KIRREL3: variants seen among roughly 807,000 people sequenced by gnomAD.
KIRREL3 encodes the protein kirre like nephrin family adhesion molecule 3.
In KIRREL3, 36 loss-of-function variants were observed where a neutral mutation model predicts 89.7. The observed-to-expected ratio is 0.40, with a 90% CI of 0.31 to 0.53. The LOEUF (loss-of-function observed/expected upper bound fraction) is 0.53, where lower values mean the gene tolerates loss of function less well. Among genes scored for constraint, KIRREL3 ranks in the 20% least tolerant of loss-of-function variants. KIRREL3 has a pLI of 0.49. For synonymous variants in KIRREL3, 445 were observed against 441.4 expected (o/e 1.01, Z -0.10); for missense variants, 864 against 1,056.6 (o/e 0.82, Z 2.53).
At position 126,513,846 on chromosome 11, in the gene KIRREL3, C is replaced by T. The variant is rs761142492; in HGVS notation, c.433+7469G>A. The stretch of plus-strand genomic sequence containing the variant: ...CTGGCCCCCAACAGCAACTACTCAG[C>T]GTGGCATTATGGCATTGAACCCACA... On this transcript the variant is annotated intron_variant, in intron 4 of 16. Coordinates refer to ENST00000525144, the MANE Select transcript of KIRREL3 (RefSeq NM_032531.4). This position sits in a 1 kb window ranked among gnomAD's most constrained non-coding sequence, Gnocchi z 5.9. 1.3e-5 allele frequency among the ~76,000 whole-genome samples: 2 copies of T among 152,144 alleles called. No homozygotes were observed. The highest frequency in any genetic ancestry group is 2.9e-5 in the Non-Finnish European group (2 of 68,014).
Position 126,744,318 on chromosome 11 carries a change from C to T in KIRREL3, c.56-181406G>A, listed in dbSNP as rs920270788. On this transcript the variant is annotated intron_variant, in intron 1 of 16. Coordinates refer to ENST00000525144, the MANE Select transcript of KIRREL3 (RefSeq NM_032531.4). This position sits in a 1 kb window ranked among gnomAD's most constrained non-coding sequence, Gnocchi z 4.7. ...ACTGAGATGTTGAGCAGGGGAGCAG[C>T]CTTTTCTGGGAGGTTCACCCGCAGG... 3.3e-5 allele frequency among the ~76,000 whole-genome samples: 5 copies of T among 151,874 alleles called. No individual in the cohort carries two copies. The highest frequency in any genetic ancestry group is 5.9e-5 in the Non-Finnish European group (4 of 68,000).
chr11:126,787,213 C>G (rs577337544), intron 1 of KIRREL3, among the ~76,000 whole-genome samples: 1 of 152,316 alleles, frequency 6.6e-6, no homozygotes, highest in African/African-American at 2.4e-5. Flanking sequence ...AACCCCCACA[C>G]AGATGTATTT....
At position 126,948,861 on chromosome 11, in the gene KIRREL3, T is replaced by C. The variant is rs1041201153; in HGVS notation, c.55+51594A>G. 2.0e-5 allele frequency among the ~76,000 whole-genome samples: 3 copies of C among 152,136 alleles called. No homozygotes were observed. Among genetic ancestry groups the C allele is most frequent in the African/African-American group, 7.2e-5 (3 of 41,418 alleles). On this transcript the variant is annotated intron_variant, in intron 1 of 16. Coordinates refer to ENST00000525144, the MANE Select transcript of KIRREL3 (RefSeq NM_032531.4). The surrounding 1 kb of genome is among the most constrained non-coding windows in gnomAD (Gnocchi z 4.5). ...CCTCAAAGCTTCTGAAGTGTCCACA[T>C]AATCCCCAACCCTACAGCCTCCAAA...
Position 126,904,336 on chromosome 11 carries a change from T to C in KIRREL3, c.55+96119A>G, listed in dbSNP as rs1014903563. 6.6e-6 allele frequency among the ~76,000 whole-genome samples: 1 copy of C among 152,234 alleles called. No individual in the cohort carries two copies. The highest frequency in any genetic ancestry group is 1.5e-5 in the Non-Finnish European group (1 of 68,042). Reference sequence around the variant, plus strand: ...TGGCCCGAAGCCCCCAAACTCATGATTATTTGCTATTTTGCCATTGCTAGT... The same window carrying C: ...TGGCCCGAAGCCCCCAAACTCATGACTATTTGCTATTTTGCCATTGCTAGT... On this transcript the variant is annotated intron_variant, in intron 1 of 16. Transcript: ENST00000525144. This position sits in a 1 kb window ranked among gnomAD's most constrained non-coding sequence, Gnocchi z 4.4.
chr11:126,726,469 G>A (rs775527365), intron 1 of KIRREL3, among the ~76,000 whole-genome samples: 4 of 152,140 alleles, frequency 2.6e-5, no homozygotes, highest in Non-Finnish European at 5.9e-5. Context: ...CTGGGTTCAA[G>A]CGATTCTCCT....
chr11:126,488,674 C>A (rs887827172), intron 4 of KIRREL3, among the ~76,000 whole-genome samples: 1 of 152,206 alleles, frequency 6.6e-6, no homozygotes, highest in Non-Finnish European at 1.5e-5. Flanking sequence ...CAGATGGAGG[C>A]TCCGTGAGCT....
rs1237771980 is a variant in KIRREL3, at chr11:126,424,515, C to T, written c.*65G>A. On this transcript the variant is annotated 3_prime_UTR_variant, in exon 17 of 17. Transcript: ENST00000525144. ...GTGTCCTCTGCAAAGTACCCCTCGT[C>T]CCTGGACAACCAGAACGTGCCCTGA... is the stretch of plus-strand genomic sequence containing the variant. 8 of 1,517,244 alleles carry T rather than the reference C, an allele frequency of 5.3e-6. No homozygotes were observed. Among genetic ancestry groups the T allele is most frequent in the East Asian group, 4.6e-5 (2 of 43,540 alleles). 94.0% of individuals were successfully genotyped at this position (1,517,244 alleles called of 1,614,324 possible).
intron 1 of KIRREL3, among the ~76,000 whole-genome samples, chr11:126,586,094 G>A (rs1941837715): frequency 6.6e-6 from 1 of 152,128 alleles, no homozygotes; most frequent in Non-Finnish European, 1.5e-5. Flanking sequence ...TCAGCCACAG[G>A]ATCCCTCCCC....
intron 1 of KIRREL3, among the ~76,000 whole-genome samples, chr11:126,952,104 G>A (rs1399825063): frequency 1.3e-5 from 2 of 152,176 alleles, no homozygotes; most frequent in African/African-American, 2.4e-5. Context: ...ATAGAGTTTT[G>A]GCTGGGCACG....
chr11:126,774,534 C>T (rs1174334139), intron 1 of KIRREL3, among the ~76,000 whole-genome samples: 2 of 152,212 alleles, frequency 1.3e-5, no homozygotes, highest in African/African-American at 2.4e-5. Flanking sequence ...TGCATGCCTT[C>T]ACCCAGGCCT....
chr11:126,864,715 G>GA (rs1275620204), intron 1 of KIRREL3, among the ~76,000 whole-genome samples: 1 of 152,136 alleles, frequency 6.6e-6, no homozygotes, highest in East Asian at 1.9e-4. Context: ...ATTTGGTATA[G>GA]AATTATCCTT....
intron 1 of KIRREL3, among the ~76,000 whole-genome samples, chr11:126,707,840 T>TC (rs1947596706): frequency 6.6e-6 from 1 of 151,718 alleles, no homozygotes; most frequent in Non-Finnish European, 1.5e-5. Context: ...ATGAGCTTTT[T>TC]TTTTTTTGGC....
At chr11:126,700,783 G>C (rs1947283922) in intron 1 of KIRREL3, among the ~76,000 whole-genome samples, 1 of 152,148 alleles carries the variant, frequency 6.6e-6, no homozygotes, top group Non-Finnish European at 1.5e-5. Flanking sequence ...TGTGCAACAG[G>C]CCTGACTTTG....
chr11:126,490,096 C>G lies in KIRREL3; in HGVS notation c.434-16630G>C, dbSNP rs955320893. ...ATGTTTTGGATGTGCCTTAAAGTCA[C>G]AGTTAGCTCCCATGATGGGCATTCG... is the stretch of plus-strand genomic sequence containing the variant. On this transcript the variant is annotated intron_variant, in intron 4 of 16. Transcript: ENST00000525144. This position sits in a 1 kb window ranked among gnomAD's most constrained non-coding sequence, Gnocchi z 4.2. 6.6e-6 allele frequency among the ~76,000 whole-genome samples: 1 copy of G among 152,064 alleles called. No homozygotes were observed. Among genetic ancestry groups the G allele is most frequent in the African/African-American group, 2.4e-5 (1 of 41,388 alleles).
At chr11:126,854,089 T>C (rs1246635813) in intron 1 of KIRREL3, among the ~76,000 whole-genome samples, 1 of 151,770 alleles carries the variant, frequency 6.6e-6, no homozygotes, top group African/African-American at 2.4e-5. Flanking sequence ...AAAGCTCCTG[T>C]TAACATATGG....
At chr11:126,629,583 C>T (rs886581391) in intron 1 of KIRREL3, among the ~76,000 whole-genome samples, 3 of 152,216 alleles carry the variant, frequency 2.0e-5, no homozygotes, top group Non-Finnish European at 4.4e-5. Flanking sequence ...CCATGTCCAC[C>T]CTGCCCTGTG....
intron 2 of KIRREL3, among the ~76,000 whole-genome samples, chr11:126,559,845 AT>A (rs199652038): frequency 2.7e-5 from 4 of 150,040 alleles, no homozygotes; most frequent in East Asian, 2.0e-4. Flanking sequence ...GATTATTATT[AT>A]TTTTTTTTGT....
chr11:126,608,321 T>G lies in KIRREL3; in HGVS notation c.56-45409A>C, dbSNP rs531405837. 4.1e-4 allele frequency among the ~76,000 whole-genome samples: 62 copies of G among 152,314 alleles called. No individual in the cohort carries two copies. The highest frequency in any genetic ancestry group is 1.5e-3 in the Admixed American group (23 of 15,310). The stretch of plus-strand genomic sequence containing the variant: ...TAACAGCAGCATTTGTGAAATCTAA[T>G]TAGTGCAGGCCCAACTTCTGACTTC... On this transcript the variant is annotated intron_variant, in intron 1 of 16. Coordinates refer to ENST00000525144, the MANE Select transcript of KIRREL3 (RefSeq NM_032531.4). This position sits in a 1 kb window ranked among gnomAD's most constrained non-coding sequence, Gnocchi z 4.9.
chr11:126,698,915 C>T (rs538806365), intron 1 of KIRREL3, among the ~76,000 whole-genome samples: 6 of 152,348 alleles, frequency 3.9e-5, no homozygotes, highest in Admixed American at 3.9e-4. Flanking sequence ...TTCCCATTTG[C>T]TTGCTCCACG....
Sources: allele counts gnomAD v4.1 joint callset (sites outside exome capture counted in the v4.1 genomes callset), GRCh38; gene constraint gnomAD v4.1.1; non-coding constraint Gnocchi (gnomAD v3.1); transcripts MANE v1.5; gene names NCBI Gene and HGNC (gene_info 2026-07-23, HGNC 2026-07-21).